ASTN2: variants seen among roughly 807,000 people sequenced by gnomAD.
ASTN2 encodes astrotactin-2.
ASTN2 carries 54 observed loss-of-function variants against 139.8 expected under a neutral mutation model. The observed-to-expected ratio is 0.39, with a 90% CI of 0.31 to 0.48. The LOEUF (loss-of-function observed/expected upper bound fraction) is 0.48. Among genes scored for constraint, ASTN2 ranks in the 20% least tolerant of loss-of-function variants. The pLI is 0.95. For synonymous variants in ASTN2, 756 were observed against 719.5 expected (o/e 1.05, Z -0.81); for missense variants, 1,565 against 1,725.1 (o/e 0.91, Z 1.64).
At chr9:117,360,677 C>T (rs962520772) in intron 1 of ASTN2, among the ~76,000 whole-genome samples, 1 of 152,100 alleles carries the variant, frequency 6.6e-6, no homozygotes, top group South Asian at 2.1e-4. Context: ...ATGCTATGTT[C>T]TGAGGGTCAC....
At chr9:117,229,784 C>A (rs1215850097) in intron 2 of ASTN2, among the ~76,000 whole-genome samples, 1 of 152,120 alleles carries the variant, frequency 6.6e-6, no homozygotes, top group East Asian at 1.9e-4. Flanking sequence ...AACCAACCAG[C>A]AGGTCCTGAG....
intron 16 of ASTN2, among the ~76,000 whole-genome samples, chr9:116,722,368 G>A (rs1828496693): frequency 6.6e-6 from 1 of 152,320 alleles, no homozygotes; most frequent in Non-Finnish European, 1.5e-5. Flanking sequence ...GGGAATGAGA[G>A]TAAAGTAAAC....
chr9:116,634,589 CAAAAAAAAAAAAA>C (rs57882262), intron 17 of ASTN2, among the ~76,000 whole-genome samples: 3 of 104,208 alleles, frequency 2.9e-5, no homozygotes, highest in Non-Finnish European at 3.9e-5. Flanking sequence ...GACTCCGTCT[CAAAAAAAAAAAAA>C]AAAAAAAAAA....
intron 11 of ASTN2, 152 bp downstream of exon 11, chr9:116,863,431 C>A: frequency 1.1e-6 from 1 of 923,760 alleles, no homozygotes; most frequent in East Asian, 2.8e-5. Context: ...GTGAGGAAAC[C>A]AAGGTAGGCT....
rs567341417 is a variant in ASTN2 at position 117,099,603 on chromosome 9, T to C, written c.1169-3452A>G. 2.0e-5 allele frequency among the ~76,000 whole-genome samples: 3 copies of C among 152,316 alleles called. No homozygotes were observed. In the South Asian group the frequency reaches 6.2e-4, roughly 32 times the overall value. On this transcript the variant is annotated intron_variant, in intron 4 of 22. Coordinates refer to ENST00000313400, the MANE Select transcript of ASTN2 (RefSeq NM_001365068.1). Reference sequence around the variant, plus strand: ...AAAGCCTTTACATGGGTTGACTCATTTCATATTTACAAGAACCCTAGGAGA... The same window carrying C: ...AAAGCCTTTACATGGGTTGACTCATCTCATATTTACAAGAACCCTAGGAGA...
At chr9:116,684,258 C>T (rs969375871) in intron 16 of ASTN2, among the ~76,000 whole-genome samples, 2 of 152,142 alleles carry the variant, frequency 1.3e-5, no homozygotes, top group Non-Finnish European at 2.9e-5. Context: ...TCTTGCTGCA[C>T]TTTATGCAAA....
At chr9:117,257,847 C>T (rs559882740) in intron 2 of ASTN2, among the ~76,000 whole-genome samples, 39 of 152,342 alleles carry the variant, frequency 2.6e-4, no homozygotes, top group African/African-American at 9.4e-4. Context: ...TTGTTGTAGT[C>T]ATTGCTCTGC....
At chr9:116,957,118 G>C (rs1480092261) in intron 10 of ASTN2, among the ~76,000 whole-genome samples, 1 of 149,644 alleles carries the variant, frequency 6.7e-6, no homozygotes, top group Non-Finnish European at 1.5e-5. Flanking sequence ...AAGGAACCCA[G>C]ATAGTCAAAT....
At chr9:117,288,552 G>A (rs1001341675) in intron 2 of ASTN2, among the ~76,000 whole-genome samples, 3 of 152,200 alleles carry the variant, frequency 2.0e-5, no homozygotes, top group Non-Finnish European at 2.9e-5. Flanking sequence ...TTTTAATCCT[G>A]GGGAAATCCT....
At chr9:116,446,255 G>GGAGAGAGAGAGAGA (rs373227100) in intron 20 of ASTN2, among the ~76,000 whole-genome samples, 248 of 113,744 alleles carry the variant, frequency 2.2e-3, no homozygotes, top group Admixed American at 4.7e-3. Flanking sequence ...GAGGGGAGAG[G>GGAGAGAGAGAGAGA]GAGAGAGAGA....
intron 19 of ASTN2, among the ~76,000 whole-genome samples, chr9:116,551,270 T>C (rs1852330091): frequency 6.6e-6 from 1 of 152,230 alleles, no homozygotes. Context: ...TGCTTTAGCC[T>C]GTTCCCTAAT....
chr9:116,833,397 G>C (rs1831877430), intron 11 of ASTN2, among the ~76,000 whole-genome samples: 1 of 146,448 alleles, frequency 6.8e-6, no homozygotes, highest in African/African-American at 2.5e-5. Flanking sequence ...CTACCACATT[G>C]ATTTCCTTCC....
chr9:116,490,065 G>T (rs1193978493), intron 19 of ASTN2, among the ~76,000 whole-genome samples: 2 of 151,872 alleles, frequency 1.3e-5, no homozygotes, highest in African/African-American at 4.8e-5. Context: ...AAAGCCAAGG[G>T]TCTAGAAAGA....
At chr9:116,980,423 T>C (rs1836480189) in intron 7 of ASTN2, among the ~76,000 whole-genome samples, 1 of 152,154 alleles carries the variant, frequency 6.6e-6, no homozygotes, top group Non-Finnish European at 1.5e-5. Context: ...TCCTTCCCTT[T>C]AATTCCAAGC....
chr9:117,392,780 A>G (rs530048513), intron 1 of ASTN2, among the ~76,000 whole-genome samples: 1 of 152,340 alleles, frequency 6.6e-6, no homozygotes, highest in East Asian at 1.9e-4. Flanking sequence ...CCTGAGGAAA[A>G]AGGCTTTAAG....
At chr9:117,249,510 A>G (rs1369663168) in intron 2 of ASTN2, among the ~76,000 whole-genome samples, 2 of 152,202 alleles carry the variant, frequency 1.3e-5, no homozygotes, top group Non-Finnish European at 2.9e-5. Flanking sequence ...CCTTTGTTCA[A>G]ATGAAATTTT....
At chr9:116,791,983 T>A (rs752950426) in intron 13 of ASTN2, among the ~76,000 whole-genome samples, 6 of 152,158 alleles carry the variant, frequency 3.9e-5, no homozygotes, top group Admixed American at 2.0e-4. Flanking sequence ...TGGAGAACAT[T>A]TGAAATATAC....
At chr9:116,975,666 T>C (rs1050963145) in intron 9 of ASTN2, among the ~76,000 whole-genome samples, 1 of 152,206 alleles carries the variant, frequency 6.6e-6, no homozygotes, top group Non-Finnish European at 1.5e-5. Context: ...CATAAGCGAC[T>C]GCTATGTCAG....
chr9:116,572,174 T>A (rs1853545681), intron 19 of ASTN2, among the ~76,000 whole-genome samples: 1 of 152,134 alleles, frequency 6.6e-6, no homozygotes, highest in Non-Finnish European at 1.5e-5. Context: ...CTCCTCCCCT[T>A]CGGGTGCCCC....
Sources: gnomAD v4.1 joint callset for allele counts (sites outside exome capture counted in the v4.1 genomes callset) on GRCh38, gnomAD v4.1.1 for gene constraint, MANE v1.5 for transcripts, NCBI Gene and HGNC (gene_info 2026-07-23, HGNC 2026-07-21) for gene names.